The following DGKZ variants were observed in gnomAD, a reference collection of about 807,000 sequenced individuals.
DGKZ encodes the protein diacylglycerol kinase zeta, also known as DAG kinase zeta.
Under a neutral mutation model 142.5 loss-of-function variants are expected in DGKZ, and 45 were observed. The observed-to-expected ratio is 0.32, with a 90% CI of 0.25 to 0.40. The LOEUF (loss-of-function observed/expected upper bound fraction) is 0.40, where lower values mean the gene tolerates loss of function less well. DGKZ is among the 10% of genes least tolerant of loss of function. The probability of loss-of-function intolerance (pLI) is 1.00; values close to 1 mark genes in which losing one functional copy is unlikely to be tolerated. For missense variants in DGKZ, 755 were observed against 1,306.5 expected, an observed-to-expected ratio of 0.58 and a Z score of 6.51; for synonymous variants, 442 against 527.0, an observed-to-expected ratio of 0.84 and a Z score of 2.21.
chr11:46,365,811 C>T, intron 1 of DGKZ: 1 of 985,456 alleles, frequency 1.0e-6, no homozygotes, highest in Non-Finnish European at 1.2e-6. Context: ...CCCCACCGTC[C>T]ATCCAGGCAG....
intron 1 of DGKZ, among the ~76,000 whole-genome samples, chr11:46,352,035 C>T (rs573328583): frequency 1.3e-5 from 2 of 152,338 alleles, no homozygotes; most frequent in African/African-American, 4.8e-5. Context: ...TGAGAGAAAG[C>T]TGAGGCTCCA....
rs142848846 is a variant in DGKZ at position 46,350,084 on chromosome 11, T to C, written c.161+2264T>C. On this transcript the variant is annotated intron_variant, in intron 1 of 30. Coordinates refer to ENST00000527911, the Ensembl canonical transcript of DGKZ. ...AAATTCAGCAGCACCTCTGGAAGCATGTAAGGAGTGTCCTTTGTTTGGGAG... is the reference window on the plus strand; with the variant it reads ...AAATTCAGCAGCACCTCTGGAAGCACGTAAGGAGTGTCCTTTGTTTGGGAG... Among the ~76,000 whole-genome samples, 536 of 152,296 alleles carry C rather than the reference T, an allele frequency of 3.5e-3. 5 individuals are homozygous for C. Among genetic ancestry groups the C allele is most frequent in the African/African-American group, 0.013 (521 of 41,546 alleles).
intron 1 of DGKZ, among the ~76,000 whole-genome samples, chr11:46,337,068 C>T (rs553334286): frequency 4.6e-5 from 7 of 152,086 alleles, no homozygotes; most frequent in Admixed American, 4.6e-4. Flanking sequence ...CTTGCATCTC[C>T]ATCTGGGGGA....
At chr11:46,344,441 C>T (rs934613423), upstream of DGKZ, among the ~76,000 whole-genome samples, 10 of 150,800 alleles carry the variant, frequency 6.6e-5, no homozygotes, top group African/African-American at 2.5e-4. Flanking sequence ...CAGATAACAC[C>T]ATGAGCTCAA....
chr11:46,336,090 T>C (rs1939998523), intron 1 of DGKZ, among the ~76,000 whole-genome samples: 1 of 152,106 alleles, frequency 6.6e-6, no homozygotes, highest in South Asian at 2.1e-4. Flanking sequence ...GGCAAAAAAA[T>C]CTGAGGGCGA....
At chr11:46,369,899 G>A in intron 5 of DGKZ, 42 bp from the exon 6 acceptor site, 1 of 1,609,076 alleles carries the variant, frequency 6.2e-7, no homozygotes, top group Non-Finnish European at 8.5e-7. Context: ...CTGTGCCCCT[G>A]CCCACCCCTC....
intron 1 of DGKZ, among the ~76,000 whole-genome samples, chr11:46,337,790 A>C (rs928832097): frequency 7.9e-5 from 12 of 152,076 alleles, no homozygotes; most frequent in African/African-American, 2.9e-4. Flanking sequence ...CAAACAAAAA[A>C]AAAAATGGAG....
chr11:46,348,473 C>G (rs1051434266), intron 1 of DGKZ, among the ~76,000 whole-genome samples: 1 of 152,228 alleles, frequency 6.6e-6, no homozygotes, highest in Non-Finnish European at 1.5e-5. Context: ...CAGCCCATCC[C>G]TCTGCTAGGC....
intron 1 of DGKZ, among the ~76,000 whole-genome samples, chr11:46,359,203 G>A (rs1221875066): frequency 6.6e-6 from 1 of 151,508 alleles, no homozygotes; most frequent in African/African-American, 2.4e-5. Context: ...AGCACTTTGG[G>A]AGGCCAAGGC....
intron 25 of DGKZ, 128 bp downstream of exon 25, chr11:46,377,340 A>C: frequency 2.1e-6 from 3 of 1,419,734 alleles, no homozygotes; most frequent in Non-Finnish European, 1.8e-6. Context: ...ACCTGGCCAA[A>C]GCCCACCTGA....
chr11:46,372,318 C>A lies in DGKZ; in HGVS notation c.928-110C>A. The A allele has an allele frequency of 7.3e-7, 1 of 1,362,662 alleles. No individual in the cohort carries two copies. The highest frequency in any genetic ancestry group is 1.0e-6 in the Non-Finnish European group (1 of 972,144). 84.4% of individuals were successfully genotyped at this position (1,362,662 alleles called of 1,614,324 possible). A position where few individuals can be genotyped will look rare whatever the true frequency, so the allele number is the denominator to read the frequency against. ...CTGAGAAAATCCTGTCCTTTCTCCACCCCTCACCCCTTATTGGCCCTGGTT... is the reference window on the plus strand; with the variant it reads ...CTGAGAAAATCCTGTCCTTTCTCCAACCCTCACCCCTTATTGGCCCTGGTT... On this transcript the variant is annotated intron_variant, in intron 10 of 30. Transcript: ENST00000527911. This position sits in a 1 kb window ranked among gnomAD's most constrained non-coding sequence, Gnocchi z 5.9.
chr11:46,360,789 GAA>G (rs879709020), intron 1 of DGKZ, among the ~76,000 whole-genome samples: 22 of 143,770 alleles, frequency 1.5e-4, no homozygotes, highest in Admixed American at 1.4e-3. Context: ...CCATCTCAAA[GAA>G]AAAAAAAAAG....
At position 46,371,400 on chromosome 11, in the gene DGKZ, G is replaced by C; in HGVS notation, c.642+16G>C. The C allele has an allele frequency of 2.5e-6, 4 of 1,612,990 alleles. No individual in the cohort carries two copies. Among genetic ancestry groups the C allele is most frequent in the South Asian group, 2.2e-5 (2 of 91,032 alleles). On this transcript the variant is annotated intron_variant, in intron 7 of 30. Coordinates refer to ENST00000527911, the Ensembl canonical transcript of DGKZ. ...CAAGCAGGCAGTGAGTGGTGCCCCC[G>C]CCCCCAGGGCCAGGCCCTGCACTGC...
intron 1 of DGKZ, chr11:46,365,903 T>C (rs1037491307): frequency 2.0e-6 from 2 of 985,260 alleles, no homozygotes; most frequent in East Asian, 2.3e-4. Context: ...CAGAGCTCTG[T>C]AGATTCTGGT....
chr11:46,374,007 G>T, intron 14 of DGKZ, 150 bp from the exon 15 acceptor site: 1 of 769,134 alleles, frequency 1.3e-6, no homozygotes. Context: ...GTGCCTGACA[G>T]CGGGTGAGCT....
intron 6 of DGKZ, among the ~76,000 whole-genome samples, chr11:46,370,978 A>T (rs1319142187): frequency 1.3e-5 from 2 of 152,134 alleles, no homozygotes; most frequent in Admixed American, 6.5e-5. Flanking sequence ...CCGGCCACTC[A>T]GGAGGCTGAG....
intron 1 of DGKZ, chr11:46,364,265 C>T (rs778029301): frequency 2.7e-5 from 25 of 935,632 alleles, no homozygotes; most frequent in Non-Finnish European, 3.8e-5. Context: ...TCAACTTCCT[C>T]ATCAGGAATG....
chr11:46,338,146 T>C (rs1940099744), intron 1 of DGKZ, among the ~76,000 whole-genome samples: 1 of 152,214 alleles, frequency 6.6e-6, no homozygotes, highest in African/African-American at 2.4e-5. Context: ...TAACATTTCA[T>C]AGAATTTCAG....
chr11:46,374,039 T>C, intron 14 of DGKZ, 118 bp from the exon 15 acceptor site: 1 of 1,124,454 alleles, frequency 8.9e-7, no homozygotes, highest in Non-Finnish European at 1.3e-6. Context: ...TAGCGGACGC[T>C]GCTGACCAGG....
Sources: gnomAD v4.1 joint callset for allele counts (sites outside exome capture counted in the v4.1 genomes callset) on GRCh38, gnomAD v4.1.1 for gene constraint, Gnocchi (gnomAD v3.1) non-coding constraint, MANE v1.5 for transcripts, NCBI Gene and HGNC (gene_info 2026-07-23, HGNC 2026-07-21) for gene names.